Variants in ABCG2 observed in about 807,000 individuals in gnomAD.
The protein encoded by ABCG2 is ATP binding cassette subfamily G member 2 (JR blood group), also known as broad substrate specificity ATP-binding cassette transporter ABCG2.
In ABCG2, 80 loss-of-function variants were observed where a neutral mutation model predicts 73.5. The observed-to-expected ratio is 1.09, with a 90% CI of 0.91 to 1.31. The LOEUF (loss-of-function observed/expected upper bound fraction) is 1.31, where lower values mean the gene tolerates loss of function less well. Among genes scored for constraint, ABCG2 ranks in the 50% most tolerant of loss-of-function variants. The pLI, the probability that ABCG2 is intolerant of heterozygous loss-of-function variation, is 0.00. For synonymous variants in ABCG2, 269 were observed against 282.4 expected (o/e 0.95, Z 0.48); for missense variants, 796 against 786.2 (o/e 1.01, Z -0.15).
intron 12 of ABCG2, 108 bp downstream of exon 12, chr4:88,099,216 G>A: frequency 3.8e-6 from 4 of 1,058,722 alleles, no homozygotes; most frequent in African/African-American, 1.6e-5. Flanking sequence ...CTTATCTCAT[G>A]GTTTGGTTTA....
chr4:88,206,195 G>A (rs1207440321), intron 1 of ABCG2, among the ~76,000 whole-genome samples: 1 of 152,124 alleles, frequency 6.6e-6, no homozygotes, highest in Non-Finnish European at 1.5e-5. Flanking sequence ...GCGGTGTCCT[G>A]TAATCCCAGC....
At chr4:88,093,991 T>C (rs1355779287) in intron 15 of ABCG2, among the ~76,000 whole-genome samples, 1 of 152,198 alleles carries the variant, frequency 6.6e-6, no homozygotes, top group Non-Finnish European at 1.5e-5. Context: ...ATAGGGAGTA[T>C]TCCAAGTTAA....
intron 1 of ABCG2, among the ~76,000 whole-genome samples, chr4:88,202,139 T>C (rs1250051616): frequency 6.6e-6 from 1 of 151,752 alleles, no homozygotes. Context: ...TCAATGGCAC[T>C]ATTCCATGGG....
At chr4:88,103,959 T>C (rs894470478) in intron 10 of ABCG2, among the ~76,000 whole-genome samples, 2 of 152,222 alleles carry the variant, frequency 1.3e-5, no homozygotes, top group African/African-American at 4.8e-5. Context: ...ATCAGACCCT[T>C]CGGGTGATTC....
intron 1 of ABCG2, among the ~76,000 whole-genome samples, chr4:88,167,672 A>G (rs568498215): frequency 6.6e-6 from 1 of 152,076 alleles, no homozygotes; most frequent in South Asian, 2.1e-4. Flanking sequence ...CACTGCGCCC[A>G]GGCTCTTTCT....
chr4:88,107,184 C>G lies in ABCG2; in HGVS notation c.1277G>C (p.Arg426Thr), dbSNP rs547065780. 1.2e-6 allele frequency: 2 copies of G among 1,606,522 alleles called. No homozygotes were observed. The highest frequency in any genetic ancestry group is 2.2e-5 in the South Asian group (2 of 90,228). ...AAAATCAAGATCCAAATTTACTTAC[C>G]TGTTCTGGATTCCAGTAGAATCATT... ...LKNDSTGIQN[R>T]AGVLFFLTTN... Residue 426 changes from arginine (R) to threonine (T), a missense_variant and splice_region_variant, in exon 10 of 16, where the codon AGA becomes ACA. Transcript: ENST00000237612.
intron 9 of ABCG2, among the ~76,000 whole-genome samples, chr4:88,111,483 G>A (rs932443288): frequency 6.6e-6 from 1 of 151,902 alleles, no homozygotes; most frequent in Admixed American, 6.6e-5. Context: ...TACTTAACTA[G>A]CAGTATGGCT....
intron 1 of ABCG2, among the ~76,000 whole-genome samples, chr4:88,193,561 A>C (rs1728794438): frequency 6.6e-6 from 1 of 152,154 alleles, no homozygotes; most frequent in African/African-American, 2.4e-5. Flanking sequence ...TTCTGTTGCT[A>C]AAACAAAAAG....
intron 1 of ABCG2, among the ~76,000 whole-genome samples, chr4:88,149,381 C>T (rs1726285927): frequency 6.6e-6 from 1 of 152,196 alleles, no homozygotes; most frequent in South Asian, 2.1e-4. Context: ...ATCTAATCTG[C>T]AATTTGGCCA....
intron 1 of ABCG2, among the ~76,000 whole-genome samples, chr4:88,218,874 T>G (rs1376957361): frequency 6.6e-6 from 1 of 152,198 alleles, no homozygotes. Flanking sequence ...AAAGGCCAGA[T>G]AGTGAATATT....
chr4:88,228,389 A>G (rs983937975), intron 1 of ABCG2, among the ~76,000 whole-genome samples: 1 of 152,138 alleles, frequency 6.6e-6, no homozygotes, highest in Non-Finnish European at 1.5e-5. Flanking sequence ...CAGCCTTACA[A>G]TCTACCCCCA....
intron 8 of ABCG2, among the ~76,000 whole-genome samples, chr4:88,114,674 T>G (rs1274197486): frequency 6.6e-6 from 1 of 151,654 alleles, no homozygotes; most frequent in Non-Finnish European, 1.5e-5. Context: ...TATATGCAAA[T>G]GCATATATTG....
At chr4:88,200,729 G>T (rs1191223273) in intron 1 of ABCG2, among the ~76,000 whole-genome samples, 2 of 150,776 alleles carry the variant, frequency 1.3e-5, no homozygotes, top group South Asian at 2.1e-4. Flanking sequence ...AGCCAGGGTG[G>T]TCTCAATCTC....
intron 1 of ABCG2, among the ~76,000 whole-genome samples, chr4:88,148,691 C>T (rs536304531): frequency 6.6e-6 from 1 of 152,272 alleles, no homozygotes; most frequent in South Asian, 2.1e-4. Context: ...ACTGTACACA[C>T]GGTTCTGCCT....
At chr4:88,105,301 A>G (rs560293982) in intron 10 of ABCG2, among the ~76,000 whole-genome samples, 42 of 152,338 alleles carry the variant, frequency 2.8e-4, no homozygotes, top group African/African-American at 1.0e-3. Flanking sequence ...AGCGTCTTCA[A>G]CTTTCCTCAA....
intron 1 of ABCG2, among the ~76,000 whole-genome samples, chr4:88,150,344 C>A (rs1726371421): frequency 6.6e-6 from 1 of 152,248 alleles, no homozygotes; most frequent in East Asian, 1.9e-4. Flanking sequence ...TCAAGCAGAG[C>A]TCTGAGGGTG....
chr4:88,110,251 T>G (rs1364049198), intron 9 of ABCG2, among the ~76,000 whole-genome samples: 1 of 152,140 alleles, frequency 6.6e-6, no homozygotes, highest in Non-Finnish European at 1.5e-5. Context: ...TTTTTTAAGA[T>G]AGGGTCTTGG....
intron 1 of ABCG2, among the ~76,000 whole-genome samples, chr4:88,182,557 C>G (rs1240025056): frequency 6.6e-6 from 1 of 152,188 alleles, no homozygotes; most frequent in African/African-American, 2.4e-5. Context: ...AGTATCTTCT[C>G]TGACCACAAT....
intron 5 of ABCG2, among the ~76,000 whole-genome samples, 167 bp from the exon 6 acceptor site, chr4:88,121,959 CA>C (rs1490676201): frequency 6.6e-6 from 1 of 152,054 alleles, no homozygotes; most frequent in Non-Finnish European, 1.5e-5. Context: ...TCTCTTTTAT[CA>C]GATGAGTAAA....
Sources: gnomAD v4.1 joint callset for allele counts (sites outside exome capture counted in the v4.1 genomes callset) on GRCh38, gnomAD v4.1.1 for gene constraint, MANE v1.5 for transcripts, NCBI Gene and HGNC (gene_info 2026-07-23, HGNC 2026-07-21) for gene names.